The following LGALS3 variants were observed in gnomAD, a reference collection of about 807,000 sequenced individuals.
LGALS3 encodes the protein galectin-3.
A neutral mutation model predicts 20.7 loss-of-function variants in LGALS3; 18 were observed. That is an observed-to-expected ratio of 0.87 (90% CI 0.60 to 1.29). The LOEUF is 1.29. LGALS3 is among the 50% of genes most tolerant of loss of function. The pLI, the probability that LGALS3 is intolerant of heterozygous loss-of-function variation, is 0.00. For synonymous variants in LGALS3, 112 were observed against 119.6 expected, an observed-to-expected ratio of 0.94 and a Z score of 0.42; for missense variants, 315 against 314.7, an observed-to-expected ratio of 1.00 and a Z score of -0.01.
intron 1 of LGALS3, among the ~76,000 whole-genome samples, chr14:55,131,897 G>A (rs187726652): frequency 2.0e-5 from 3 of 152,340 alleles, no homozygotes; most frequent in African/African-American, 4.8e-5. Flanking sequence ...TTTGGCAAAT[G>A]GGCTTTCCTC....
Position 55,129,878 on chromosome 14 carries a change from C to A in LGALS3, c.-5+578C>A, listed in dbSNP as rs927940281. On this transcript the variant is annotated intron_variant, in intron 1 of 5. Transcript: ENST00000254301. This position sits in a 1 kb window ranked among gnomAD's most constrained non-coding sequence, Gnocchi z 5.3. ...ACCCACAGCTTGGCTGGCCCGGCCC[C>A]TTTTGAGCATCAGCTGAGGCTGGAC... Among the ~76,000 whole-genome samples, 1 of 152,232 alleles carries A rather than the reference C, an allele frequency of 6.6e-6. No individual in the cohort carries two copies. Among genetic ancestry groups the A allele is most frequent in the African/African-American group, 2.4e-5 (1 of 41,470 alleles).
intron 1 of LGALS3, among the ~76,000 whole-genome samples, chr14:55,132,186 G>A (rs1881252278): frequency 6.6e-6 from 1 of 152,210 alleles, no homozygotes; most frequent in South Asian, 2.1e-4. Context: ...AAAATGGTCT[G>A]TATTCTAACT....
At chr14:55,136,873 T>A (rs1302530078) in intron 1 of LGALS3, among the ~76,000 whole-genome samples, 2 of 146,966 alleles carry the variant, frequency 1.4e-5, no homozygotes, top group Admixed American at 1.4e-4. Flanking sequence ...TGGGCTCAAT[T>A]GTTTTGAGTT....
In LGALS3 at chr14:55,135,560, GTTT is replaced by G. The variant is rs762172869; in HGVS notation, c.-4-1788_-4-1786del. Among the ~76,000 whole-genome samples the G allele has an allele frequency of 1.9e-3, 202 of 106,512 alleles. 1 individual carries two copies. The highest frequency in any genetic ancestry group is 8.3e-3 in the African/African-American group (196 of 23,610). The allele number at this position is 106,512 out of a possible 152,430, so 69.9% of individuals were successfully genotyped here. The stretch of plus-strand genomic sequence containing the variant: ...ACCAAAAATAAGGTAATATTTTATG[GTTT>G]TTTTTTTTTTTTTTTTTTTTTGAGA... On this transcript the variant is annotated intron_variant, in intron 1 of 5. Coordinates refer to ENST00000254301, the MANE Select transcript of LGALS3 (RefSeq NM_002306.4).
intron 1 of LGALS3, among the ~76,000 whole-genome samples, chr14:55,136,769 T>A (rs1881407943): frequency 6.6e-6 from 1 of 152,176 alleles, no homozygotes. Flanking sequence ...ATTATAACTA[T>A]TTTTGTCACC....
At chr14:55,132,685 A>G (rs1053626245) in intron 1 of LGALS3, among the ~76,000 whole-genome samples, 2 of 152,092 alleles carry the variant, frequency 1.3e-5, no homozygotes, top group Non-Finnish European at 2.9e-5. Context: ...CTCCTGCCTC[A>G]GCCTCCTGAG....
intron 1 of LGALS3, among the ~76,000 whole-genome samples, chr14:55,133,456 C>T (rs1881291802): frequency 6.6e-6 from 1 of 152,136 alleles, no homozygotes; most frequent in Non-Finnish European, 1.5e-5. Flanking sequence ...TACTAAGTGA[C>T]TTGTGGGTGG....
In LGALS3 at chr14:55,142,306, G is replaced by A. The variant is rs1881651028; in HGVS notation, c.432-278G>A. Among the ~76,000 whole-genome samples the A allele has an allele frequency of 3.9e-5, 6 of 152,092 alleles. No homozygotes were observed. The South Asian group carries it at 1.2e-3, about 32-fold the overall frequency. Reference sequence around the variant, plus strand: ...CGAAGGGTTTTCATGAGTCTGTAGGGGCATTACAGATGAATGGAAATATGA... The same window carrying A: ...CGAAGGGTTTTCATGAGTCTGTAGGAGCATTACAGATGAATGGAAATATGA... On this transcript the variant is annotated intron_variant, in intron 4 of 5. Coordinates refer to ENST00000254301, the MANE Select transcript of LGALS3 (RefSeq NM_002306.4).
intron 1 of LGALS3, among the ~76,000 whole-genome samples, chr14:55,134,064 A>G (rs1459390965): frequency 6.6e-6 from 1 of 152,118 alleles, no homozygotes; most frequent in Admixed American, 6.5e-5. Flanking sequence ...ATGTCTGAAG[A>G]CATTTTGTTT....
chr14:55,136,872 T>C (rs941741663), intron 1 of LGALS3, among the ~76,000 whole-genome samples: 1 of 134,824 alleles, frequency 7.4e-6, no homozygotes, highest in Non-Finnish European at 1.6e-5. Flanking sequence ...GTGGGCTCAA[T>C]TGTTTTGAGT....
intron 4 of LGALS3, 62 bp from the exon 5 acceptor site, chr14:55,142,522 C>A: frequency 1.4e-6 from 2 of 1,396,934 alleles, no homozygotes; most frequent in Non-Finnish European, 2.0e-6. Context: ...ATTACATGTT[C>A]TTTACACAGT....
At position 55,129,567 on chromosome 14, in the gene LGALS3, G is replaced by A. The variant is rs1204319153; in HGVS notation, c.-5+267G>A. ...TTACGAGACCCACACACGTCCCCGG[G>A]GCGGCACGGGCCACCTTCTGCGGAG... On this transcript the variant is annotated intron_variant, in intron 1 of 5. Transcript: ENST00000254301. The surrounding 1 kb of genome is among the most constrained non-coding windows in gnomAD (Gnocchi z 5.3). 6.6e-6 allele frequency among the ~76,000 whole-genome samples: 1 copy of A among 152,174 alleles called. No homozygotes were observed. The highest frequency in any genetic ancestry group is 1.9e-4 in the East Asian group (1 of 5,184).
intron 1 of LGALS3, among the ~76,000 whole-genome samples, chr14:55,136,424 C>T (rs1376514047): frequency 6.6e-6 from 1 of 152,156 alleles, no homozygotes; most frequent in African/African-American, 2.4e-5. Context: ...CTACAGCACA[C>T]ATTCTGACTC....
In LGALS3 at chr14:55,145,413, A is replaced by G. The variant is rs761670750; in HGVS notation, c.*142A>G. On this transcript the variant is annotated 3_prime_UTR_variant, in exon 6 of 6. Coordinates refer to ENST00000254301, the MANE Select transcript of LGALS3 (RefSeq NM_002306.4). ...TACTTAATAAATATTACAGTGAATTACCTGTCTCAATATGTCATTTAATTG... is the reference window on the plus strand; with the variant it reads ...TACTTAATAAATATTACAGTGAATTGCCTGTCTCAATATGTCATTTAATTG... 7.0e-7 allele frequency: 1 copy of G among 1,438,182 alleles called. No homozygotes were observed. Among genetic ancestry groups the G allele is most frequent in the Non-Finnish European group, 9.4e-7 (1 of 1,060,790 alleles). 89.1% of individuals were successfully genotyped at this position (1,438,182 alleles called of 1,614,324 possible). A position where few individuals can be genotyped will look rare whatever the true frequency, so the allele number is the denominator to read the frequency against.
At chr14:55,134,538 C>T (rs1178000347) in intron 1 of LGALS3, among the ~76,000 whole-genome samples, 1 of 152,172 alleles carries the variant, frequency 6.6e-6, no homozygotes, top group Non-Finnish European at 1.5e-5. Context: ...ATGAGGGAGA[C>T]TTTCTTTTTC....
intron 2 of LGALS3, chr14:55,137,677 T>A: frequency 7.1e-7 from 1 of 1,409,716 alleles, no homozygotes; most frequent in South Asian, 1.6e-5. Flanking sequence ...AGAAATCCTC[T>A]GAGTAGCGGG....
intron 2 of LGALS3, 119 bp from the exon 3 acceptor site, chr14:55,137,926 A>G: frequency 7.4e-7 from 1 of 1,359,182 alleles, no homozygotes; most frequent in South Asian, 2.3e-5. Flanking sequence ...GTTTAATGAT[A>G]TGCATGTAAT....
rs1881782129 is a variant in LGALS3, at chr14:55,145,323, AAAG to A, written c.*53_*55del. ...AAAAGAATCTAAACCTTACATGTGTAAAGGTTTCATGTTCACTGTGAGTGAAAA... is the reference window on the plus strand; with the variant it reads ...AAAAGAATCTAAACCTTACATGTGTAGTTTCATGTTCACTGTGAGTGAAAA... On this transcript the variant is annotated 3_prime_UTR_variant, in exon 6 of 6. Coordinates refer to ENST00000254301, the MANE Select transcript of LGALS3 (RefSeq NM_002306.4). The A allele has an allele frequency of 5.6e-6, 9 of 1,602,590 alleles. No individual in the cohort carries two copies. The highest frequency in any genetic ancestry group is 7.7e-6 in the Non-Finnish European group (9 of 1,173,458).
intron 4 of LGALS3, among the ~76,000 whole-genome samples, chr14:55,141,224 A>G (rs984724725): frequency 6.6e-6 from 1 of 152,192 alleles, no homozygotes; most frequent in African/African-American, 2.4e-5. Flanking sequence ...TGCTTCTGCA[A>G]TGGTAGTCAC....
Sources: allele counts gnomAD v4.1 joint callset (sites outside exome capture counted in the v4.1 genomes callset), GRCh38; gene constraint gnomAD v4.1.1; non-coding constraint Gnocchi (gnomAD v3.1); transcripts MANE v1.5; gene names NCBI Gene and HGNC (gene_info 2026-07-23, HGNC 2026-07-21).